CSTPP1: variants seen among roughly 807,000 people sequenced by gnomAD.
CSTPP1 encodes centriolar satellite-associated tubulin polyglutamylase complex regulator 1, also known as UPF0705 protein C11orf49.
At chr11:47,025,325 A>G in the CSTPP1 span, among the ~76,000 whole-genome samples, 32 of 152,330 alleles carry the variant, frequency 2.1e-4, no homozygotes, top group South Asian at 6.2e-4. Context: ...TATATAGGAC[A>G]TGTTGAGATG....
the CSTPP1 span, among the ~76,000 whole-genome samples, chr11:47,072,988 T>G: frequency 6.6e-6 from 1 of 152,186 alleles, no homozygotes; most frequent in Non-Finnish European, 1.5e-5. Context: ...TCTTTATATG[T>G]TTACATGCAT....
At chr11:47,117,877 CTTTTTTTTTTTTTT>C in the CSTPP1 span, among the ~76,000 whole-genome samples, 1 of 66,372 alleles carries the variant, frequency 1.5e-5, no homozygotes, top group Non-Finnish European at 2.8e-5. Flanking sequence ...TATTTCTTTT[CTTTTTTTTTTTTTT>C]TTTTTTTTGA....
chr11:46,997,533 A>C, the CSTPP1 span, among the ~76,000 whole-genome samples: 5 of 151,974 alleles, frequency 3.3e-5, 1 homozygote, highest in East Asian at 9.6e-4. Flanking sequence ...GTTTGTTATT[A>C]CCTATCGTCT....
the CSTPP1 span, among the ~76,000 whole-genome samples, chr11:46,956,606 A>G: frequency 6.6e-6 from 1 of 152,196 alleles, no homozygotes; most frequent in Non-Finnish European, 1.5e-5. Flanking sequence ...GTTTGCGGTG[A>G]TCTCACAGCA....
At chr11:47,094,934 A>G in the CSTPP1 span, among the ~76,000 whole-genome samples, 2 of 152,252 alleles carry the variant, frequency 1.3e-5, no homozygotes, top group African/African-American at 4.8e-5. Flanking sequence ...TCATCTTTTA[A>G]CCATTTCATT....
the CSTPP1 span, among the ~76,000 whole-genome samples, chr11:46,995,960 C>G: frequency 2.6e-5 from 4 of 152,084 alleles, no homozygotes; most frequent in African/African-American, 7.2e-5. Context: ...TCTGGGTGCT[C>G]CTGTATTGGG....
chr11:47,085,043 T>C, the CSTPP1 span, among the ~76,000 whole-genome samples: 2 of 151,472 alleles, frequency 1.3e-5, no homozygotes, highest in African/African-American at 4.9e-5. Flanking sequence ...CTACTAAAAA[T>C]ACAAAAAAAA....
At chr11:47,003,160 A>C in the CSTPP1 span, among the ~76,000 whole-genome samples, 3 of 152,216 alleles carry the variant, frequency 2.0e-5, no homozygotes, top group Non-Finnish European at 2.9e-5. Context: ...GAAGAATAAG[A>C]AGTTTAAAAA....
chr11:46,987,502 A>G, the CSTPP1 span: 1 of 567,752 alleles, frequency 1.8e-6, no homozygotes, highest in Non-Finnish European at 3.2e-6. Flanking sequence ...TTGTCCAGTG[A>G]TGTCTCATGA....
chr11:47,058,194 G>A, the CSTPP1 span, among the ~76,000 whole-genome samples: 63 of 152,258 alleles, frequency 4.1e-4, 2 homozygotes, highest in African/African-American at 1.4e-3. Flanking sequence ...AATTAGCCAG[G>A]TGTGACACCT....
chr11:47,107,986 C>T, the CSTPP1 span, among the ~76,000 whole-genome samples: 6 of 152,238 alleles, frequency 3.9e-5, no homozygotes, highest in Admixed American at 6.5e-5. Context: ...TCTGCATGTG[C>T]GCATGTGCGC....
chr11:46,940,219 A>G, the CSTPP1 span, among the ~76,000 whole-genome samples: 1 of 152,178 alleles, frequency 6.6e-6, no homozygotes, highest in Admixed American at 6.5e-5. Context: ...TTCTTCATGA[A>G]ATTCATTTTT....
the CSTPP1 span, among the ~76,000 whole-genome samples, chr11:47,059,040 C>T: frequency 6.6e-6 from 1 of 152,178 alleles, no homozygotes; most frequent in African/African-American, 2.4e-5. Context: ...GTGTCCTTTG[C>T]AGGGACATGG....
At chr11:47,004,737 C>G in the CSTPP1 span, among the ~76,000 whole-genome samples, 2 of 152,284 alleles carry the variant, frequency 1.3e-5, no homozygotes, top group East Asian at 3.9e-4. Context: ...TCAGTCAACT[C>G]TATCCAACTT....
chr11:46,977,318 G>A, the CSTPP1 span, among the ~76,000 whole-genome samples: 1 of 152,162 alleles, frequency 6.6e-6, no homozygotes, highest in South Asian at 2.1e-4. Flanking sequence ...CACAGCAGCG[G>A]GATGTCTTTT....
chr11:47,164,084 G>A, the CSTPP1 span: 138 of 1,599,468 alleles, frequency 8.6e-5, no homozygotes, highest in Non-Finnish European at 8.1e-5. Flanking sequence ...TTTCCTCTGC[G>A]TGCCACAGGG....
chr11:47,092,290 AT>A, the CSTPP1 span, among the ~76,000 whole-genome samples: 2 of 152,244 alleles, frequency 1.3e-5, no homozygotes, highest in Non-Finnish European at 2.9e-5. Context: ...TGTCAAGTAT[AT>A]AATGAAAGGA....
At chr11:46,963,516 A>T in the CSTPP1 span, among the ~76,000 whole-genome samples, 3 of 152,160 alleles carry the variant, frequency 2.0e-5, no homozygotes, top group Admixed American at 6.5e-5. Flanking sequence ...AAGAGATTTT[A>T]AAAAAGATAT....
At chr11:46,976,393 TCACACACACACA>T in the CSTPP1 span, among the ~76,000 whole-genome samples, 1 of 148,712 alleles carries the variant, frequency 6.7e-6, no homozygotes, top group Non-Finnish European at 1.5e-5. Context: ...TAGGTTTCAG[TCACACACACACA>T]CACACACACA....
Sources: allele counts gnomAD v4.1 joint callset (sites outside exome capture counted in the v4.1 genomes callset), GRCh38; gene constraint gnomAD v4.1.1; transcripts MANE v1.5; gene names NCBI Gene and HGNC (gene_info 2026-07-23, HGNC 2026-07-21).